The following GPR26 variants were observed in gnomAD, a reference collection of about 807,000 sequenced individuals.
The protein encoded by GPR26 is G protein-coupled receptor 26.
In GPR26, 15 loss-of-function variants were observed where a neutral mutation model predicts 23.1. That is an observed-to-expected ratio of 0.65 (90% CI 0.43 to 1.00). The LOEUF is 1.00. Among genes scored for constraint, GPR26 ranks in the 50% least tolerant of loss-of-function variants. GPR26 has a pLI of 0.00. For synonymous variants in GPR26, 228 were observed against 222.1 expected, an observed-to-expected ratio of 1.03 and a Z score of -0.24; for missense variants, 359 against 470.5, an observed-to-expected ratio of 0.76 and a Z score of 2.19.
At chr10:123,677,579 C>A (rs1845323826) in intron 2 of GPR26, among the ~76,000 whole-genome samples, 1 of 152,202 alleles carries the variant, frequency 6.6e-6, no homozygotes, top group South Asian at 2.1e-4. Flanking sequence ...AGAATCCCTC[C>A]AGCGGAGGCA....
intron 2 of GPR26, among the ~76,000 whole-genome samples, chr10:123,685,594 T>C (rs1387410565): frequency 2.0e-5 from 3 of 152,194 alleles, no homozygotes; most frequent in Non-Finnish European, 2.9e-5. Flanking sequence ...AGGCCAGACA[T>C]TGGCTTTTCA....
intron 2 of GPR26, among the ~76,000 whole-genome samples, chr10:123,675,680 A>T (rs2133924848): frequency 6.6e-6 from 1 of 152,318 alleles, no homozygotes; most frequent in East Asian, 1.9e-4. Flanking sequence ...AGAACTTTGC[A>T]TCTAAAGGGG....
chr10:123,666,668 C>G lies in GPR26; in HGVS notation c.261C>G (p.Thr87=). ...RLCRLAAFLD[T]FLAANSMLSM... ...GCCGCCTGGCTGCCTTCCTCGACAC[C>G]TTCCTGGCTGCCAACTCCATGCTCA... is the stretch of plus-strand genomic sequence containing the variant. Residue 87 remains threonine (T), a synonymous_variant, in exon 1 of 3, where the codon ACC becomes ACG. Transcript: ENST00000284674. 6.3e-7 allele frequency: 1 copy of G among 1,599,664 alleles called. No homozygotes were observed. The highest frequency in any genetic ancestry group is 8.5e-7 in the Non-Finnish European group (1 of 1,178,120).
At chr10:123,677,440 C>A (rs566999342) in intron 2 of GPR26, among the ~76,000 whole-genome samples, 76 of 152,326 alleles carry the variant, frequency 5.0e-4, no homozygotes, top group Non-Finnish European at 5.0e-4. Flanking sequence ...ACTGCCACCA[C>A]CCCGGCTGCT....
chr10:123,667,086 C>T lies in GPR26; in HGVS notation c.668+11C>T, dbSNP rs778972364. The T allele has an allele frequency of 8.3e-6, 13 of 1,566,030 alleles. No homozygotes were observed. The highest frequency in any genetic ancestry group is 5.5e-5 in the Admixed American group (3 of 54,210). On this transcript the variant is annotated intron_variant, in intron 1 of 2. Transcript: ENST00000284674. ...GGACCTGCACCCCAGGTGAGCCGAG[C>T]GCAGCTAAGGCTCTGGGAACAGCCG...
At chr10:123,686,467 A>G (rs1378823595) in intron 2 of GPR26, among the ~76,000 whole-genome samples, 1 of 152,200 alleles carries the variant, frequency 6.6e-6, no homozygotes, top group South Asian at 2.1e-4. Context: ...GGGCAAAGGT[A>G]GACAGTGGTG....
rs144814629 is a variant in GPR26, at chr10:123,675,110, G to A, written c.782+179G>A. On this transcript the variant is annotated intron_variant, in intron 2 of 2. Coordinates refer to ENST00000284674, the MANE Select transcript of GPR26 (RefSeq NM_153442.4). The stretch of plus-strand genomic sequence containing the variant: ...CTGCTTGCTTTTCCTCTCCACCCTC[G>A]AATTCTTTTGGATTCAACTCAGAAC... 5.9e-5 allele frequency among the ~76,000 whole-genome samples: 9 copies of A among 152,142 alleles called. No homozygotes were observed. The East Asian group carries it at 1.5e-3, about 26-fold the overall frequency.
At chr10:123,686,575 TTCC>T (rs10587929) in intron 2 of GPR26, among the ~76,000 whole-genome samples, 31,894 of 152,018 alleles carry the variant, frequency 0.21, 3,512 homozygotes, top group African/African-American at 0.27. Flanking sequence ...CTCCACCAGC[TTCC>T]TCCTCCTCCT....
chr10:123,675,798 C>CTGTGTGTGTGTGTGTG (rs57869785), intron 2 of GPR26, among the ~76,000 whole-genome samples: 3 of 142,632 alleles, frequency 2.1e-5, no homozygotes, highest in Non-Finnish European at 4.6e-5. Flanking sequence ...GCAGGGTTTT[C>CTGTGTGTGTGTGTGTG]TGTGTGTGTG....
At position 123,695,374 on chromosome 10, in the gene GPR26, C is replaced by A. The variant is rs181121597; in HGVS notation, c.*7214C>A. Among the ~76,000 whole-genome samples the A allele has an allele frequency of 2.6e-5, 4 of 152,128 alleles. No homozygotes were observed. Among genetic ancestry groups the A allele is most frequent in the Non-Finnish European group, 5.9e-5 (4 of 68,034 alleles). On this transcript the variant is annotated 3_prime_UTR_variant, in exon 3 of 3. Transcript: ENST00000284674. ...TCACTGTTGTACTCATTCCCTGGCACGGAAGAATTGTTGCACATCTTTAAT... is the reference window on the plus strand; with the variant it reads ...TCACTGTTGTACTCATTCCCTGGCAAGGAAGAATTGTTGCACATCTTTAAT...
In GPR26 at chr10:123,674,626, G is replaced by T. The variant is rs921425946; in HGVS notation, c.669-192G>T. 1.3e-5 allele frequency among the ~76,000 whole-genome samples: 2 copies of T among 152,102 alleles called. No homozygotes were observed. Among genetic ancestry groups the T allele is most frequent in the Non-Finnish European group, 2.9e-5 (2 of 68,030 alleles). ...TGCATATTATTATTTTACACAGGAG[G>T]ACCTTGAGGCTTAGTAATGTCACAC... On this transcript the variant is annotated intron_variant, in intron 1 of 2. Transcript: ENST00000284674. The surrounding 1 kb of genome is among the most constrained non-coding windows in gnomAD (Gnocchi z 4.1).
In GPR26 at chr10:123,695,938, ACT is replaced by A. The variant is rs569856216; in HGVS notation, c.*7781_*7782del. ...GGATTTCCCCAGGGGAAAATGGCTA[ACT>A]CTGGATCACAAACAGCACAAATTAA... On this transcript the variant is annotated 3_prime_UTR_variant, in exon 3 of 3. Transcript: ENST00000284674. 5.1e-4 allele frequency among the ~76,000 whole-genome samples: 78 copies of A among 152,254 alleles called. No individual in the cohort carries two copies. Among genetic ancestry groups the A allele is most frequent in the African/African-American group, 1.8e-3 (75 of 41,552 alleles).
At position 123,688,727 on chromosome 10, in the gene GPR26, T is replaced by C. The variant is rs553670516; in HGVS notation, c.*567T>C. On this transcript the variant is annotated 3_prime_UTR_variant, in exon 3 of 3. Transcript: ENST00000284674. ...GCCCAGCTGGGACTCTTGGGCTCTG[T>C]GCCTGAGGGAAAATGTTTCACAACT... 2 of 155,614 alleles carry C rather than the reference T, an allele frequency of 1.3e-5. No homozygotes were observed. Among genetic ancestry groups the C allele is most frequent in the Non-Finnish European group, 2.9e-5 (2 of 70,108 alleles). The allele number at this position is 155,614 out of a possible 1,614,324, so 9.6% of individuals were successfully genotyped here.
chr10:123,696,874 C>T lies in GPR26; in HGVS notation c.*8714C>T. ...ATGCATATGGGTGAATGTTTGTGTGCCCATGAGTATATGCATACGGGTGAA... is the reference window on the plus strand; with the variant it reads ...ATGCATATGGGTGAATGTTTGTGTGTCCATGAGTATATGCATACGGGTGAA... On this transcript the variant is annotated 3_prime_UTR_variant, in exon 3 of 3. Coordinates refer to ENST00000284674, the MANE Select transcript of GPR26 (RefSeq NM_153442.4). 6.9e-6 allele frequency among the ~76,000 whole-genome samples: 1 copy of T among 144,572 alleles called. No individual in the cohort carries two copies. 94.8% of individuals were successfully genotyped at this position (144,572 alleles called of 152,430 possible).
chr10:123,670,240 G>T (rs1285402147), intron 1 of GPR26, among the ~76,000 whole-genome samples: 2 of 152,206 alleles, frequency 1.3e-5, no homozygotes, highest in Non-Finnish European at 2.9e-5. Context: ...ACTCTGGAGG[G>T]TGTCAGAATT....
At position 123,666,446 on chromosome 10, in the gene GPR26, G is replaced by A; in HGVS notation, c.39G>A (p.Val13=). ...ACGCGGGCCTGGCGGGGCTACTGGT[G>A]GGCACGATGGGCGTCTCGCTGCTGT... ...SWDAGLAGLL[V]GTMGVSLLSN... is the part of the protein sequence containing the mutation. Residue 13 remains valine, a synonymous_variant, in exon 1 of 3, where the codon GTG becomes GTA. Coordinates refer to ENST00000284674, the MANE Select transcript of GPR26 (RefSeq NM_153442.4). The A allele has an allele frequency of 6.5e-7, 1 of 1,544,360 alleles. No homozygotes were observed. The highest frequency in any genetic ancestry group is 8.7e-7 in the Non-Finnish European group (1 of 1,153,678).
Position 123,674,923 on chromosome 10 carries a change from G to T in GPR26, c.774G>T (p.Val258=). 6.2e-7 allele frequency: 1 copy of T among 1,601,322 alleles called. No individual in the cohort carries two copies. The highest frequency in any genetic ancestry group is 1.1e-5 in the South Asian group (1 of 90,462). Reference sequence around the variant, plus strand: ...TCCTTGTGTGCTTCGCGCCCTATGTGATCACCAGGTGAGCCTGATTGGCAG... The same window carrying T: ...TCCTTGTGTGCTTCGCGCCCTATGTTATCACCAGGTGAGCCTGATTGGCAG... The part of the protein sequence containing the change: ...GTFLVCFAPY[V]ITRLVELFST... Residue 258 remains valine (V), a synonymous_variant, in exon 2 of 3, where the codon GTG becomes GTT. Coordinates refer to ENST00000284674, the MANE Select transcript of GPR26 (RefSeq NM_153442.4). This position sits in a 1 kb window ranked among gnomAD's most constrained non-coding sequence, Gnocchi z 4.1.
At chr10:123,676,522 T>C (rs978525387) in intron 2 of GPR26, among the ~76,000 whole-genome samples, 4 of 152,142 alleles carry the variant, frequency 2.6e-5, no homozygotes, top group African/African-American at 9.7e-5. Flanking sequence ...TTCTAAATTT[T>C]GATAACTAAA....
intron 1 of GPR26, among the ~76,000 whole-genome samples, chr10:123,669,327 A>G (rs575834694): frequency 1.5e-3 from 233 of 152,332 alleles, no homozygotes; most frequent in African/African-American, 4.7e-3. Context: ...GGGACAACAC[A>G]GGAGGGGATG....
Sources: gnomAD v4.1 joint callset for allele counts (sites outside exome capture counted in the v4.1 genomes callset) on GRCh38, gnomAD v4.1.1 for gene constraint, Gnocchi (gnomAD v3.1) non-coding constraint, MANE v1.5 for transcripts, NCBI Gene and HGNC (gene_info 2026-07-23, HGNC 2026-07-21) for gene names.